TTC6: variants seen among roughly 807,000 people sequenced by gnomAD.
TTC6 encodes the protein tetratricopeptide repeat domain 6, also known as tetratricopeptide repeat protein 6.
TTC6 carries 172 observed loss-of-function variants against 210.4 expected under a neutral mutation model. The observed-to-expected ratio is 0.82, with a 90% CI of 0.72 to 0.93. The LOEUF (loss-of-function observed/expected upper bound fraction) is 0.93. Among genes scored for constraint, TTC6 ranks in the 40% least tolerant of loss-of-function variants. TTC6 has a pLI of 0.00. For missense variants in TTC6, 2,414 were observed against 2,318.1 expected (o/e 1.04, Z -0.85); for synonymous variants, 804 against 819.6 (o/e 0.98, Z 0.32).
At chr14:37,705,060 A>C (rs943994915) in intron 5 of TTC6, among the ~76,000 whole-genome samples, 1 of 152,112 alleles carries the variant, frequency 6.6e-6, no homozygotes, top group Non-Finnish European at 1.5e-5. Flanking sequence ...ATTCACAATC[A>C]ATACAGAGTT....
exon 12 of TTC6, chr14:37,749,810 A>T: frequency 6.9e-7 from 1 of 1,439,416 alleles, no homozygotes; most frequent in South Asian, 1.5e-5. Context: ...GGATGACTTG[A>T]ATTATATACA....
chr14:37,628,679 C>T (rs148428498), intron 1 of TTC6, among the ~76,000 whole-genome samples: 8,461 of 152,208 alleles, frequency 0.056, 359 homozygotes, highest in Non-Finnish European at 0.087. Flanking sequence ...GAAGTCTTTG[C>T]CCATGCGTAT....
intron 1 of TTC6, among the ~76,000 whole-genome samples, chr14:37,602,953 C>G (rs1200342193): frequency 6.6e-6 from 1 of 152,102 alleles, no homozygotes; most frequent in Non-Finnish European, 1.5e-5. Flanking sequence ...CTGACCTCCT[C>G]ATGAACCTCT....
chr14:37,669,375 A>C (rs1488631211), intron 1 of TTC6, among the ~76,000 whole-genome samples: 24 of 152,186 alleles, frequency 1.6e-4, no homozygotes, highest in African/African-American at 2.4e-5. Flanking sequence ...CCAGGGGAAG[A>C]GAAAGGATCT....
In TTC6 at chr14:37,725,326, A is replaced by G. The variant is rs1398006135; in HGVS notation, c.1818+324A>G. On this transcript the variant is annotated intron_variant, in intron 7 of 30. Coordinates refer to ENST00000553443, the Ensembl canonical transcript of TTC6. The stretch of plus-strand genomic sequence containing the variant: ...TGTGTGTGTGTGTATATATATATAT[A>G]TATATATATATATATATATATATAT... 2.9e-4 allele frequency among the ~76,000 whole-genome samples: 25 copies of G among 85,596 alleles called. 1 individual carries two copies. The highest frequency in any genetic ancestry group is 2.4e-3 in the South Asian group (6 of 2,464). The allele number at this position is 85,596 out of a possible 152,430, so 56.2% of individuals were successfully genotyped here.
chr14:37,755,103 G>A (rs575696526), intron 14 of TTC6, among the ~76,000 whole-genome samples: 1 of 152,202 alleles, frequency 6.6e-6, no homozygotes, highest in African/African-American at 2.4e-5. Context: ...ATTCTAACTG[G>A]CATGAGATGA....
At chr14:37,841,821 A>C (rs938436309) in intron 30 of TTC6, 151 bp downstream of exon 32, 3 of 698,074 alleles carry the variant, frequency 4.3e-6, no homozygotes, top group Admixed American at 3.5e-5. Context: ...TATAATCGAT[A>C]TAGGTTCCTT....
intron 5 of TTC6, among the ~76,000 whole-genome samples, chr14:37,708,048 T>A (rs2095838665): frequency 6.6e-6 from 1 of 152,094 alleles, no homozygotes; most frequent in Admixed American, 6.6e-5. Context: ...CTATCGGGTT[T>A]TCTATATGGT....
intron 1 of TTC6, among the ~76,000 whole-genome samples, chr14:37,644,714 T>C (rs1383211638): frequency 6.6e-6 from 1 of 152,206 alleles, no homozygotes; most frequent in African/African-American, 2.4e-5. Context: ...GCACCTGCAA[T>C]ATTTAGCCCT....
chr14:37,815,166 T>C (rs943153772), intron 25 of TTC6, among the ~76,000 whole-genome samples: 1 of 152,198 alleles, frequency 6.6e-6, no homozygotes, highest in Non-Finnish European at 1.5e-5. Flanking sequence ...ACTGCCATTC[T>C]CGATCTAAAT....
In TTC6 at chr14:37,670,474, C is replaced by CCTTTTTTTTTTTTTTTTTTTTTT. The variant is rs532690678; in HGVS notation, c.940-9677_940-9676insCTTTTTTTTTTTTTTTTTTTTTT. On this transcript the variant is annotated intron_variant, in intron 1 of 30. Transcript: ENST00000553443. ...TAAGGATCTAGCACAAACTACCTCA[C>CCTTTTTTTTTTTTTTTTTTTTTT]TTTTTTTTTTTTTTTTTTTTTAGTC... Among the ~76,000 whole-genome samples, 2 of 121,326 alleles carry CCTTTTTTTTTTTTTTTTTTTTTT rather than the reference C, an allele frequency of 1.6e-5. 1 individual carries two copies. The allele number at this position is 121,326 out of a possible 152,430, so 79.6% of individuals were successfully genotyped here.
chr14:37,758,255 G>T (rs2095973802), intron 14 of TTC6, among the ~76,000 whole-genome samples: 1 of 152,144 alleles, frequency 6.6e-6, no homozygotes. Context: ...TTGTCTTGTT[G>T]ATATGTCCAA....
intron 14 of TTC6, among the ~76,000 whole-genome samples, chr14:37,782,347 C>G (rs190241862): frequency 1.2e-4 from 18 of 152,188 alleles, no homozygotes; most frequent in Admixed American, 9.2e-4. Context: ...CTTCACATCC[C>G]TTGTAAGTTG....
intron 6 of TTC6, among the ~76,000 whole-genome samples, chr14:37,717,498 G>A (rs1051076463): frequency 5.3e-5 from 8 of 152,060 alleles, no homozygotes; most frequent in Non-Finnish European, 1.2e-4. Flanking sequence ...AACTCACCCA[G>A]TATGAAATAG....
Position 37,841,550 on chromosome 14 carries a change from A to G in TTC6, c.5404A>G (p.Lys1802Glu), listed in dbSNP as rs764198530. 6.8e-6 allele frequency: 11 copies of G among 1,606,402 alleles called. No individual in the cohort carries two copies. In the South Asian group the frequency reaches 1.1e-4, roughly 17 times the overall value. Reference sequence around the variant, plus strand: ...AATATTAAAGAAATATGAAGAAGCAAAAGAAGATTTTGCAAATGTAATTGA... The same window carrying G: ...AATATTAAAGAAATATGAAGAAGCAGAAGAAGATTTTGCAAATGTAATTGA... Residue 1802 changes from lysine to glutamate, a missense_variant, in exon 30 of 31, where the codon AAA (lysine) becomes GAA (glutamate). Transcript: ENST00000553443.
At chr14:37,811,387 A>G (rs2096129252) in intron 24 of TTC6, among the ~76,000 whole-genome samples, 1 of 152,090 alleles carries the variant, frequency 6.6e-6, no homozygotes, top group Non-Finnish European at 1.5e-5. Flanking sequence ...TTAACTGCAC[A>G]TTTTTTAAAG....
chr14:37,730,637 T>C (rs1470387635), intron 7 of TTC6, among the ~76,000 whole-genome samples: 2 of 152,248 alleles, frequency 1.3e-5, no homozygotes, highest in East Asian at 3.9e-4. Flanking sequence ...TTTGACTAAT[T>C]CTTTCTGGAA....
intron 1 of TTC6, among the ~76,000 whole-genome samples, chr14:37,663,985 GCTCAAA>G (rs1335044567): frequency 0.011 from 1,509 of 143,296 alleles, 21 homozygotes; most frequent in Middle Eastern, 0.018. Context: ...ATAAACCACT[GCTCAAA>G]GAAATCAGAG....
chr14:37,665,122 A>G (rs1023414115), intron 1 of TTC6, among the ~76,000 whole-genome samples: 7 of 150,516 alleles, frequency 4.7e-5, no homozygotes, highest in Non-Finnish European at 1.0e-4. Flanking sequence ...CAGAAATACC[A>G]TTTGACCCAG....
Sources: gnomAD v4.1 joint callset for allele counts (sites outside exome capture counted in the v4.1 genomes callset) on GRCh38, gnomAD v4.1.1 for gene constraint, MANE v1.5 for transcripts, NCBI Gene and HGNC (gene_info 2026-07-23, HGNC 2026-07-21) for gene names.